The following CEP63 variants were observed in gnomAD, a reference collection of about 807,000 sequenced individuals.
CEP63 encodes centrosomal protein 63, also known as centrosomal protein of 63 kDa.
CEP63 carries 84 observed loss-of-function variants against 89.1 expected under a neutral mutation model. The ratio of observed to expected loss-of-function variants is 0.94; its 90% CI spans 0.79 to 1.13. CEP63 has a LOEUF of 1.13. Among genes scored for constraint, CEP63 ranks in the 50% most tolerant of loss-of-function variants. CEP63 has a pLI of 0.00. For synonymous variants in CEP63, 267 were observed against 272.5 expected, an observed-to-expected ratio of 0.98 and a Z score of 0.20; for missense variants, 838 against 813.3, an observed-to-expected ratio of 1.03 and a Z score of -0.37.
rs1357762 is a variant in CEP63, at chr3:134,546,017, A to C, written c.790-132A>C. 0.67 allele frequency: 661,210 copies of C among 986,922 alleles called. 223,957 individuals carry two copies. Among genetic ancestry groups the C allele is most frequent in the East Asian group, 0.78 (30,153 of 38,418 alleles). The allele number at this position is 986,922 out of a possible 1,614,324, so 61.1% of individuals were successfully genotyped here. On this transcript the variant is annotated intron_variant, in intron 7 of 14. Transcript: ENST00000675561. ...ATTGTAATATTGTTACGTAACTTAT[A>C]GTCTGACTTCCTGGCTTCTCGTGAA... is the stretch of plus-strand genomic sequence containing the variant.
downstream of CEP63, among the ~76,000 whole-genome samples, chr3:134,565,918 C>G (rs1957738766): frequency 1.3e-5 from 2 of 152,230 alleles, no homozygotes; most frequent in South Asian, 4.1e-4. Context: ...ACAGCTCCCC[C>G]CACAGTATGC....
chr3:134,698,639 G>T, the CEP63 span, among the ~76,000 whole-genome samples: 1 of 152,184 alleles, frequency 6.6e-6, no homozygotes, highest in South Asian at 2.1e-4. Flanking sequence ...GGAGAATAGG[G>T]TGCTGAGCTA....
chr3:134,531,496 T>A (rs999174862), intron 3 of CEP63, among the ~76,000 whole-genome samples: 1 of 152,082 alleles, frequency 6.6e-6, no homozygotes, highest in African/African-American at 2.4e-5. Context: ...GGCAGACAAT[T>A]GTTTAAACTT....
At chr3:134,604,826 G>A in the CEP63 span, among the ~76,000 whole-genome samples, 2 of 152,154 alleles carry the variant, frequency 1.3e-5, no homozygotes, top group Non-Finnish European at 2.9e-5. Context: ...GTCCAGAGAG[G>A]GTCATGGGTC....
At chr3:134,701,461 T>C in the CEP63 span, among the ~76,000 whole-genome samples, 1 of 122,268 alleles carries the variant, frequency 8.2e-6, no homozygotes, top group African/African-American at 3.2e-5. Context: ...TGTGTATATA[T>C]ACATACACAC....
chr3:134,549,466 A>G (rs974148112), intron 10 of CEP63, among the ~76,000 whole-genome samples: 10 of 151,952 alleles, frequency 6.6e-5, no homozygotes, highest in East Asian at 1.9e-4. Flanking sequence ...AAAGACATAC[A>G]CTCTGTTGCT....
At chr3:134,653,181 A>T in the CEP63 span, among the ~76,000 whole-genome samples, 1 of 152,326 alleles carries the variant, frequency 6.6e-6, no homozygotes, top group African/African-American at 2.4e-5. Context: ...TTTGAGCCAG[A>T]TAATTCTCTT....
intron 3 of CEP63, among the ~76,000 whole-genome samples, chr3:134,523,351 T>C (rs1947914355): frequency 6.6e-6 from 1 of 152,206 alleles, no homozygotes; most frequent in Non-Finnish European, 1.5e-5. Flanking sequence ...CTATATGTTG[T>C]TCACTCTGTT....
At chr3:134,741,002 C>A in the CEP63 span, among the ~76,000 whole-genome samples, 1 of 152,208 alleles carries the variant, frequency 6.6e-6, no homozygotes, top group Admixed American at 6.5e-5. Context: ...TCAACCCTCT[C>A]TGTTATTTAA....
chr3:134,604,556 G>T, the CEP63 span: 1 of 1,265,618 alleles, frequency 7.9e-7, no homozygotes, highest in Non-Finnish European at 1.1e-6. Flanking sequence ...CTGTCTCCCT[G>T]GGAGAAAAAC....
intron 10 of CEP63, among the ~76,000 whole-genome samples, chr3:134,583,325 A>C (rs549866570): frequency 1.1e-4 from 16 of 152,320 alleles, no homozygotes; most frequent in African/African-American, 3.4e-4. Context: ...CTAACATTTA[A>C]GTCTTTAATC....
rs1256522835 is a variant in CEP63 at position 134,584,342 on chromosome 3, A to T, written c.1207-3116A>T. 7.9e-5 allele frequency among the ~76,000 whole-genome samples: 12 copies of T among 152,234 alleles called. 2 individuals carry two copies. In the South Asian group the frequency reaches 2.5e-3, roughly 32 times the overall value. On this transcript the variant is annotated intron_variant, in intron 10 of 10. Coordinates refer to the CEP63 transcript ENST00000683931. The stretch of plus-strand genomic sequence containing the variant: ...CATAAATAGCTCTTACTATTTTGAG[A>T]TATGTTCCATCAATACCTAATTTAT...
the CEP63 span, among the ~76,000 whole-genome samples, chr3:134,597,248 TAAG>T: frequency 6.6e-6 from 1 of 152,184 alleles, no homozygotes; most frequent in East Asian, 1.9e-4. Context: ...GAAGGAGAAA[TAAG>T]AAAGAAGCTG....
At chr3:134,651,032 C>T in the CEP63 span, 3 of 1,597,970 alleles carry the variant, frequency 1.9e-6, no homozygotes, top group East Asian at 4.5e-5. Context: ...TGGCCCCGTG[C>T]GCGCAGCTGC....
chr3:134,546,330 G>A, intron 8 of CEP63, 42 bp downstream of exon 8: 1 of 1,532,382 alleles, frequency 6.5e-7, no homozygotes. Flanking sequence ...GCCACTTAAT[G>A]ACTAGGTATT....
chr3:134,507,095 GTTC>G lies in CEP63; in HGVS notation c.45-8_45-6del, dbSNP rs753982244. On this transcript the variant is annotated splice_polypyrimidine_tract_variant and intron_variant, in intron 2 of 14. Coordinates refer to ENST00000675561, the MANE Select transcript of CEP63 (RefSeq NM_001353108.3). ...ATATCTTCTGTTTTTTTAATGATCT[GTTC>G]TTCTTTATAGGGGATTTTTGACATC... 47 of 1,610,358 alleles carry G rather than the reference GTTC, an allele frequency of 2.9e-5. No individual in the cohort carries two copies. Among genetic ancestry groups the G allele is most frequent in the Non-Finnish European group, 3.8e-5 (45 of 1,177,238 alleles).
chr3:134,550,805 T>C (rs1195808591), intron 11 of CEP63, among the ~76,000 whole-genome samples: 1 of 152,104 alleles, frequency 6.6e-6, no homozygotes, highest in Non-Finnish European at 1.5e-5. Flanking sequence ...TCAGTGGTCC[T>C]TAAATGGAGA....
the CEP63 span, among the ~76,000 whole-genome samples, chr3:134,664,121 C>G: frequency 6.6e-6 from 1 of 152,160 alleles, no homozygotes; most frequent in Non-Finnish European, 1.5e-5. Flanking sequence ...ATCTGGACAC[C>G]TGTTAGGCTG....
the CEP63 span, among the ~76,000 whole-genome samples, chr3:134,652,876 A>T: frequency 6.6e-6 from 1 of 152,186 alleles, no homozygotes; most frequent in East Asian, 1.9e-4. Context: ...GCCTGTGTAC[A>T]GCACCCTTGG....
Sources: allele counts gnomAD v4.1 joint callset (sites outside exome capture counted in the v4.1 genomes callset), GRCh38; gene constraint gnomAD v4.1.1; transcripts MANE v1.5; gene names NCBI Gene and HGNC (gene_info 2026-07-23, HGNC 2026-07-21).